Variants in PRELID2 observed in about 807,000 individuals in gnomAD.
PRELID2 encodes the protein PRELI domain containing 2.
In PRELID2, 25 loss-of-function variants were observed where a neutral mutation model predicts 28.4. The observed-to-expected ratio is 0.88, with a 90% CI of 0.64 to 1.23. PRELID2 has a LOEUF of 1.23. Among genes scored for constraint, PRELID2 ranks in the 50% most tolerant of loss-of-function variants. The probability of loss-of-function intolerance (pLI) is 0.00; values close to 1 mark genes in which losing one functional copy is unlikely to be tolerated. For synonymous variants in PRELID2, 76 were observed against 71.6 expected (o/e 1.06, Z -0.31); for missense variants, 201 against 214.4 (o/e 0.94, Z 0.39).
At chr5:145,801,366 A>T (rs780321670) in intron 4 of PRELID2, among the ~76,000 whole-genome samples, 31 of 152,122 alleles carry the variant, frequency 2.0e-4, no homozygotes, top group Middle Eastern at 3.4e-3. Context: ...GTGTCTTAAG[A>T]CTTTCTCCCC....
chr5:145,320,014 C>G, the PRELID2 span, among the ~76,000 whole-genome samples: 9 of 152,146 alleles, frequency 5.9e-5, no homozygotes, highest in Non-Finnish European at 1.2e-4. Flanking sequence ...ACTTCCTTTC[C>G]CAAAGGGAAA....
At chr5:145,420,033 A>T in the PRELID2 span, among the ~76,000 whole-genome samples, 15 of 151,924 alleles carry the variant, frequency 9.9e-5, no homozygotes, top group African/African-American at 3.6e-4. Context: ...CAAAGATCAG[A>T]TAGTTGTAGA....
the PRELID2 span, among the ~76,000 whole-genome samples, chr5:145,371,009 T>C: frequency 1.3e-5 from 2 of 151,836 alleles, no homozygotes; most frequent in Non-Finnish European, 2.9e-5. Context: ...GTTTAAGGAG[T>C]TTTGGAACTG....
At chr5:145,609,335 T>G (rs571242697) in intron 1 of PRELID2, among the ~76,000 whole-genome samples, 1 of 152,336 alleles carries the variant, frequency 6.6e-6, no homozygotes, top group South Asian at 2.1e-4. Context: ...AAGAAAATAT[T>G]CTCTGGCTTT....
the PRELID2 span, among the ~76,000 whole-genome samples, chr5:145,268,425 C>A: frequency 6.6e-6 from 1 of 152,006 alleles, no homozygotes; most frequent in Non-Finnish European, 1.5e-5. Flanking sequence ...GTTTTTAGCA[C>A]CTTTGTTGAA....
chr5:145,515,660 G>A (rs1320222999), intron 1 of PRELID2, among the ~76,000 whole-genome samples: 1 of 152,162 alleles, frequency 6.6e-6, no homozygotes, highest in Non-Finnish European at 1.5e-5. Flanking sequence ...GCATCATCCT[G>A]ATACCAAACT....
In PRELID2 at chr5:145,748,728, T is replaced by C. The variant is rs147667654; in HGVS notation, n.70+16203A>G. ...CACGCTACCTGACTTCAAACTATAC[T>C]ACAAGGCTACAATAACCAAAACAGC... is the stretch of plus-strand genomic sequence containing the variant. On this transcript the variant is annotated intron_variant and non_coding_transcript_variant, in intron 1 of 2. Transcript: ENST00000510259. Among the ~76,000 whole-genome samples the C allele has an allele frequency of 1.0e-3, 155 of 152,266 alleles. 3 individuals are homozygous for C. The East Asian group carries it at 0.025, about 25-fold the overall frequency.
chr5:145,348,702 G>A, the PRELID2 span, among the ~76,000 whole-genome samples: 1 of 151,032 alleles, frequency 6.6e-6, no homozygotes, highest in South Asian at 2.1e-4. Context: ...TCCAACAATG[G>A]TATAATTGTG....
chr5:145,422,363 A>G, the PRELID2 span, among the ~76,000 whole-genome samples: 5 of 152,004 alleles, frequency 3.3e-5, no homozygotes, highest in Non-Finnish European at 5.9e-5. Context: ...AATGTGTGGG[A>G]GTCTAAGTCT....
At chr5:145,779,140 A>G (rs549033467) in intron 5 of PRELID2, among the ~76,000 whole-genome samples, 3 of 152,330 alleles carry the variant, frequency 2.0e-5, no homozygotes, top group African/African-American at 7.2e-5. Context: ...TTTGGAAAAT[A>G]ATATTATAAT....
At chr5:145,639,131 A>G (rs1409707325) in intron 1 of PRELID2, among the ~76,000 whole-genome samples, 1 of 152,236 alleles carries the variant, frequency 6.6e-6, no homozygotes, top group Non-Finnish European at 1.5e-5. Context: ...GACCACTTAC[A>G]AAGGTCCCTA....
the PRELID2 span, among the ~76,000 whole-genome samples, chr5:145,311,283 C>T: frequency 2.0e-5 from 3 of 151,990 alleles, no homozygotes; most frequent in Non-Finnish European, 2.9e-5. Context: ...GAGTGCAGCT[C>T]GCACTGGTTG....
intron 1 of PRELID2, among the ~76,000 whole-genome samples, chr5:145,606,829 T>C (rs1206008387): frequency 6.6e-6 from 1 of 152,106 alleles, no homozygotes; most frequent in Non-Finnish European, 1.5e-5. Context: ...ATAGTTTTAG[T>C]AGGAATTTTA....
chr5:145,541,510 C>T lies in PRELID2; in HGVS notation n.71-68195G>A, dbSNP rs542949782. ...TTCATACACTGAACCATTACACAAT[C>T]CTTGCTTCTCACAGATGCAGAATGA... On this transcript the variant is annotated intron_variant and non_coding_transcript_variant, in intron 1 of 2. Coordinates refer to the PRELID2 transcript ENST00000510259. 7.2e-5 allele frequency among the ~76,000 whole-genome samples: 11 copies of T among 152,122 alleles called. No homozygotes were observed. The South Asian group carries it at 1.7e-3, about 23-fold the overall frequency.
chr5:145,685,693 T>C (rs1755025098), intron 1 of PRELID2, among the ~76,000 whole-genome samples: 1 of 152,082 alleles, frequency 6.6e-6, no homozygotes, highest in Non-Finnish European at 1.5e-5. Flanking sequence ...CAGAAAACAA[T>C]TGCCTGTAGT....
At chr5:145,639,271 T>G (rs977044670) in intron 1 of PRELID2, among the ~76,000 whole-genome samples, 2 of 152,056 alleles carry the variant, frequency 1.3e-5, no homozygotes, top group African/African-American at 4.8e-5. Context: ...CATATACAGA[T>G]CATAATAAAG....
intron 1 of PRELID2, among the ~76,000 whole-genome samples, chr5:145,731,460 A>C (rs1756343758): frequency 6.6e-6 from 1 of 152,240 alleles, no homozygotes. Flanking sequence ...AAATTGTTAG[A>C]GAGTACGACA....
At chr5:145,335,781 T>A in the PRELID2 span, among the ~76,000 whole-genome samples, 1 of 152,246 alleles carries the variant, frequency 6.6e-6, no homozygotes, top group African/African-American at 2.4e-5. Flanking sequence ...CCTTTGGGTA[T>A]ATACCCAGTA....
At chr5:145,306,612 C>T in the PRELID2 span, among the ~76,000 whole-genome samples, 3 of 151,930 alleles carry the variant, frequency 2.0e-5, no homozygotes, top group Non-Finnish European at 2.9e-5. Context: ...GATTCTTGTA[C>T]AGTTGAGTAA....
Sources: gnomAD v4.1 joint callset for allele counts (sites outside exome capture counted in the v4.1 genomes callset) on GRCh38, gnomAD v4.1.1 for gene constraint, MANE v1.5 for transcripts, NCBI Gene and HGNC (gene_info 2026-07-23, HGNC 2026-07-21) for gene names.